Variants in MOB3B observed in about 807,000 individuals in gnomAD.
The protein encoded by MOB3B is MOB kinase activator 3B.
A neutral mutation model predicts 18.7 loss-of-function variants in MOB3B; 7 were observed. The ratio of observed to expected loss-of-function variants is 0.37; its 90% CI spans 0.21 to 0.70. The LOEUF (loss-of-function observed/expected upper bound fraction) is 0.70. Among genes scored for constraint, MOB3B ranks in the 30% least tolerant of loss-of-function variants. MOB3B has a pLI of 0.52. For missense variants in MOB3B, 253 were observed against 281.3 expected (o/e 0.90, Z 0.72); for synonymous variants, 111 against 99.9 (o/e 1.11, Z -0.66).
At chr9:27,400,765 T>C (rs146788156) in intron 2 of MOB3B, among the ~76,000 whole-genome samples, 2 of 152,344 alleles carry the variant, frequency 1.3e-5, no homozygotes, top group Non-Finnish European at 2.9e-5. Flanking sequence ...ATGGTTCTTC[T>C]AGTGTTACAT....
intron 3 of MOB3B, among the ~76,000 whole-genome samples, chr9:27,356,329 T>C (rs1821190177): frequency 6.6e-6 from 1 of 152,232 alleles, no homozygotes; most frequent in Non-Finnish European, 1.5e-5. Flanking sequence ...TCAATTAAAC[T>C]GTTAAAAATG....
rs2131324349 is a variant in MOB3B at position 27,326,666 on chromosome 9, T to A, written c.*3921A>T. 1 of 398,178 alleles carries A rather than the reference T, an allele frequency of 2.5e-6. No individual in the cohort carries two copies. The highest frequency in any genetic ancestry group is 3.6e-5 in the East Asian group (1 of 28,038). The allele number at this position is 398,178 out of a possible 1,614,324, so 24.7% of individuals were successfully genotyped here. A position where few individuals can be genotyped will look rare whatever the true frequency, so the allele number is the denominator to read the frequency against. The stretch of plus-strand genomic sequence containing the variant: ...GAAACCTCTCAAAGTTTCTTCCACT[T>A]AACCTGGCTCTGAGACTCTGGGTCT... On this transcript the variant is annotated 3_prime_UTR_variant, in exon 4 of 4. Coordinates refer to ENST00000262244, the MANE Select transcript of MOB3B (RefSeq NM_024761.5).
At chr9:27,347,969 G>T (rs1367151832) in intron 3 of MOB3B, among the ~76,000 whole-genome samples, 4 of 152,216 alleles carry the variant, frequency 2.6e-5, no homozygotes, top group Non-Finnish European at 5.9e-5. Context: ...ACATTTCTCA[G>T]AATGTATTCC....
In MOB3B at chr9:27,499,683, A is replaced by G. The variant is rs571323222; in HGVS notation, c.-199+29872T>C. On this transcript the variant is annotated intron_variant, in intron 1 of 3. Transcript: ENST00000262244. ...ATGGCAACTTCTAGTTTGTGAAGGA[A>G]ATGAGTCATTCCATGCAACTATCCC... 3.9e-5 allele frequency among the ~76,000 whole-genome samples: 6 copies of G among 152,290 alleles called. No individual in the cohort carries two copies. The East Asian group carries it at 1.2e-3, about 29-fold the overall frequency.
intron 2 of MOB3B, among the ~76,000 whole-genome samples, chr9:27,437,829 C>A (rs557493088): frequency 6.6e-6 from 1 of 152,152 alleles, no homozygotes; most frequent in African/African-American, 2.4e-5. Flanking sequence ...AAAAAATGTA[C>A]TGATGTGTTT....
intron 1 of MOB3B, among the ~76,000 whole-genome samples, chr9:27,459,016 C>CA (rs1420129851): frequency 1.3e-5 from 2 of 151,722 alleles, no homozygotes; most frequent in South Asian, 2.1e-4. Context: ...GGTAGGCCCC[C>CA]CCCCATGTTT....
intron 2 of MOB3B, among the ~76,000 whole-genome samples, chr9:27,451,007 A>G (rs1412940341): frequency 2.0e-5 from 3 of 152,168 alleles, no homozygotes; most frequent in African/African-American, 7.2e-5. Flanking sequence ...GAGGTAAGTG[A>G]GATCATGTAA....
rs373444557 is a variant in MOB3B at position 27,485,482 on chromosome 9, A to G, written c.-198-29734T>C. On this transcript the variant is annotated intron_variant, in intron 1 of 3. Coordinates refer to ENST00000262244, the MANE Select transcript of MOB3B (RefSeq NM_024761.5). The stretch of plus-strand genomic sequence containing the variant: ...TCTGTCTCCCAATCACAAAGCCCCA[A>G]ATGTCAGCATTGCCTTGGGCAAATC... 2.0e-5 allele frequency among the ~76,000 whole-genome samples: 3 copies of G among 152,166 alleles called. No homozygotes were observed. In the East Asian group the frequency reaches 5.8e-4, roughly 29 times the overall value.
At chr9:27,347,606 G>T (rs778556415) in intron 3 of MOB3B, among the ~76,000 whole-genome samples, 1 of 152,210 alleles carries the variant, frequency 6.6e-6, no homozygotes, top group African/African-American at 2.4e-5. Context: ...TTGCGTGTAG[G>T]ATGGATTCTG....
chr9:27,371,509 T>C (rs1368184278), intron 2 of MOB3B, among the ~76,000 whole-genome samples: 4 of 152,198 alleles, frequency 2.6e-5, no homozygotes, highest in Admixed American at 2.0e-4. Flanking sequence ...GTTGAAGGGA[T>C]AGGGAAGAAA....
At chr9:27,465,118 T>C (rs1351092241) in intron 1 of MOB3B, among the ~76,000 whole-genome samples, 1 of 152,174 alleles carries the variant, frequency 6.6e-6, no homozygotes, top group Non-Finnish European at 1.5e-5. Flanking sequence ...CAAAGTCTCA[T>C]CTGAGACAAG....
chr9:27,497,794 C>T (rs2492813), intron 1 of MOB3B, among the ~76,000 whole-genome samples: 139,633 of 152,280 alleles, frequency 0.92, 64,956 homozygotes, highest in East Asian at 1. Flanking sequence ...TTACCACATA[C>T]ATTTGGCTTT....
In MOB3B at chr9:27,344,405, T is replaced by G. The variant is rs114177117; in HGVS notation, c.622-13789A>C. ...ATAATCTCCTTCTTTTAATGCAAAA[T>G]GCCAAGTACCGTTGCACTAGCAACA... On this transcript the variant is annotated intron_variant, in intron 3 of 3. Transcript: ENST00000262244. Among the ~76,000 whole-genome samples, 1,148 of 152,294 alleles carry G rather than the reference T, an allele frequency of 7.5e-3. 14 individuals carry two copies. Among genetic ancestry groups the G allele is most frequent in the African/African-American group, 0.025 (1,035 of 41,556 alleles).
At chr9:27,454,528 TGTTTTA>T (rs1165651157) in intron 2 of MOB3B, among the ~76,000 whole-genome samples, 1 of 152,246 alleles carries the variant, frequency 6.6e-6, no homozygotes, top group African/African-American at 2.4e-5. Context: ...CCTTTTGAAG[TGTTTTA>T]GCCTGTAGCA....
chr9:27,517,922 C>T (rs991281062), intron 1 of MOB3B, among the ~76,000 whole-genome samples: 10 of 152,114 alleles, frequency 6.6e-5, no homozygotes, highest in African/African-American at 2.4e-4. Context: ...TCTCAGGCTA[C>T]CTGCGGGGAG....
At chr9:27,508,408 T>G (rs1820091140) in intron 1 of MOB3B, among the ~76,000 whole-genome samples, 1 of 152,152 alleles carries the variant, frequency 6.6e-6, no homozygotes, top group African/African-American at 2.4e-5. Flanking sequence ...GGAATCCACG[T>G]GTAGGGACCA....
At chr9:27,447,929 C>A (rs1822719586) in intron 2 of MOB3B, among the ~76,000 whole-genome samples, 1 of 152,104 alleles carries the variant, frequency 6.6e-6, no homozygotes, top group Non-Finnish European at 1.5e-5. Context: ...GAGGCAAGTT[C>A]TTTAAAGGAA....
At chr9:27,388,146 C>T (rs1821672352) in intron 2 of MOB3B, among the ~76,000 whole-genome samples, 1 of 152,210 alleles carries the variant, frequency 6.6e-6, no homozygotes, top group Admixed American at 6.5e-5. Context: ...TAGGATAAAC[C>T]TTGGAAAAAC....
chr9:27,455,883 G>GC, intron 1 of MOB3B, 135 bp from the exon 2 acceptor site: 1 of 802,124 alleles, frequency 1.2e-6, no homozygotes, highest in Non-Finnish European at 1.7e-6. Context: ...TGGGGGTTAA[G>GC]CCACTGCCCT....
Sources: allele counts gnomAD v4.1 joint callset (sites outside exome capture counted in the v4.1 genomes callset), GRCh38; gene constraint gnomAD v4.1.1; transcripts MANE v1.5; gene names NCBI Gene and HGNC (gene_info 2026-07-23, HGNC 2026-07-21).